TRDN: variants seen among roughly 807,000 people sequenced by gnomAD.
TRDN encodes triadin.
A neutral mutation model predicts 149.7 loss-of-function variants in TRDN; 161 were observed. That is an observed-to-expected ratio of 1.08 (90% confidence interval 0.95 to 1.23). The LOEUF (loss-of-function observed/expected upper bound fraction) is 1.23, where lower values mean the gene tolerates loss of function less well. Ranked by LOEUF, TRDN falls within the 50% of genes most tolerant of loss-of-function variation. The pLI is 0.00. For missense variants in TRDN, 896 were observed against 823.5 expected (o/e 1.09, Z -1.08); for synonymous variants, 294 against 250.5 (o/e 1.17, Z -1.64).
chr6:123,615,836 A>G (rs573547153), intron 1 of TRDN, among the ~76,000 whole-genome samples: 2 of 152,288 alleles, frequency 1.3e-5, no homozygotes, highest in African/African-American at 4.8e-5. Flanking sequence ...GTCCTACAGC[A>G]TTGTAAAGTG....
At chr6:123,579,351 G>A (rs2317712) in intron 1 of TRDN, among the ~76,000 whole-genome samples, 53,801 of 151,984 alleles carry the variant, frequency 0.35, 9,983 homozygotes, top group East Asian at 0.41. Flanking sequence ...TTAACATAAA[G>A]GAATGTTGAA....
At chr6:123,388,720 A>T (rs1781998329) in intron 13 of TRDN, among the ~76,000 whole-genome samples, 169 bp from the exon 14 acceptor site, 1 of 152,188 alleles carries the variant, frequency 6.6e-6, no homozygotes, top group South Asian at 2.1e-4. Context: ...TACTTCATAT[A>T]AAGATATTTG....
intron 7 of TRDN, among the ~76,000 whole-genome samples, chr6:123,512,051 T>C (rs1157881452): frequency 6.7e-6 from 1 of 149,356 alleles, no homozygotes; most frequent in African/African-American, 2.5e-5. Context: ...AAGGGGTGAA[T>C]GAGGGTTATG....
intron 20 of TRDN, among the ~76,000 whole-genome samples, chr6:123,361,725 T>C (rs1426620257): frequency 6.6e-6 from 1 of 152,190 alleles, no homozygotes; most frequent in Non-Finnish European, 1.5e-5. Flanking sequence ...ATTATGTACC[T>C]GACAAATCCC....
At chr6:123,437,992 G>A (rs1296278641) in intron 12 of TRDN, 71 bp downstream of exon 12, 1 of 1,303,802 alleles carries the variant, frequency 7.7e-7, no homozygotes, top group Non-Finnish European at 1.1e-6. Context: ...TGTGTATGTT[G>A]CATGAGGAGT....
At chr6:123,501,209 T>C (rs1242726513) in intron 8 of TRDN, among the ~76,000 whole-genome samples, 3 of 152,100 alleles carry the variant, frequency 2.0e-5, no homozygotes, top group Non-Finnish European at 4.4e-5. Context: ...TTCATATGTA[T>C]ACTATGTAAT....
Position 123,612,262 on chromosome 6 carries a change from G to A in TRDN, c.22+24492C>T, listed in dbSNP as rs1255067704. On this transcript the variant is annotated intron_variant, in intron 1 of 40. Transcript: ENST00000334268. ...ATACAGAAAAAAAAAAGTTATCTGG[G>A]GTGGGGGGAGGGGGGAGGGATAGCA... is the stretch of plus-strand genomic sequence containing the variant. 3.2e-5 allele frequency among the ~76,000 whole-genome samples: 3 copies of A among 94,408 alleles called. No homozygotes were observed. The South Asian group carries it at 1.4e-3, about 45-fold the overall frequency. 61.9% of individuals were successfully genotyped at this position (94,408 alleles called of 152,430 possible). A position where few individuals can be genotyped will look rare whatever the true frequency, so the allele number is the denominator to read the frequency against.
At chr6:123,326,217 A>T (rs117217209) in intron 23 of TRDN, among the ~76,000 whole-genome samples, 1,983 of 152,230 alleles carry the variant, frequency 0.013, 14 homozygotes, top group Middle Eastern at 0.041. Context: ...TTCAGAATAC[A>T]GGTTCACAAG....
At chr6:123,319,132 G>A (rs1040497824) in intron 23 of TRDN, among the ~76,000 whole-genome samples, 3 of 152,008 alleles carry the variant, frequency 2.0e-5, no homozygotes, top group African/African-American at 4.8e-5. Context: ...AAATTGATGT[G>A]AGAATTAGAA....
At chr6:123,436,016 C>T (rs978833320) in intron 12 of TRDN, among the ~76,000 whole-genome samples, 3 of 152,066 alleles carry the variant, frequency 2.0e-5, no homozygotes, top group African/African-American at 7.2e-5. Flanking sequence ...CGCATGAGCA[C>T]ACACAAACAC....
chr6:123,226,081 A>C (rs1009254726), intron 38 of TRDN, among the ~76,000 whole-genome samples: 2 of 151,784 alleles, frequency 1.3e-5, no homozygotes, highest in Admixed American at 1.3e-4. Context: ...AAAGAAACAA[A>C]ATTACTAGAA....
chr6:123,391,472 GGTTA>G (rs1047947977), intron 13 of TRDN, among the ~76,000 whole-genome samples: 1 of 151,610 alleles, frequency 6.6e-6, no homozygotes, highest in African/African-American at 2.4e-5. Context: ...TCCTAGTTGA[GGTTA>G]TTGTCTCATG....
chr6:123,427,674 A>G (rs1168169736), intron 12 of TRDN, among the ~76,000 whole-genome samples: 1 of 152,170 alleles, frequency 6.6e-6, no homozygotes, highest in Non-Finnish European at 1.5e-5. Flanking sequence ...AGAGTAGATC[A>G]AAGTTAGAAA....
rs77851547 is a variant in TRDN at position 123,251,873 on chromosome 6, T to C, written c.1975+539A>G. Among the ~76,000 whole-genome samples, 1,398 of 152,138 alleles carry C rather than the reference T, an allele frequency of 9.2e-3. 28 individuals carry two copies. Among genetic ancestry groups the C allele is most frequent in the East Asian group, 0.08 (412 of 5,182 alleles). ...TAGGAGATACATCCATTCCTAACTATGCTGTTTTTCTTATATACACAATTA... is the reference window on the plus strand; with the variant it reads ...TAGGAGATACATCCATTCCTAACTACGCTGTTTTTCTTATATACACAATTA... On this transcript the variant is annotated intron_variant, in intron 38 of 40. Coordinates refer to ENST00000334268, the MANE Select transcript of TRDN (RefSeq NM_006073.4).
chr6:123,604,439 C>G (rs775443596), intron 1 of TRDN, among the ~76,000 whole-genome samples: 11 of 152,168 alleles, frequency 7.2e-5, no homozygotes, highest in Non-Finnish European at 2.9e-5. Context: ...ACAATGCCTG[C>G]GAGTGCTGAA....
chr6:123,556,754 G>C (rs1781684993), intron 2 of TRDN, among the ~76,000 whole-genome samples: 1 of 151,804 alleles, frequency 6.6e-6, no homozygotes, highest in Non-Finnish European at 1.5e-5. Context: ...AAAATGACCA[G>C]TCTGTCCCTC....
intron 13 of TRDN, among the ~76,000 whole-genome samples, chr6:123,390,340 A>G (rs1465942685): frequency 1.3e-5 from 2 of 152,168 alleles, no homozygotes; most frequent in African/African-American, 4.8e-5. Flanking sequence ...AAATTTTTGG[A>G]TTTCTAAAAT....
At chr6:123,583,560 G>T (rs1226053041) in intron 1 of TRDN, among the ~76,000 whole-genome samples, 1 of 148,754 alleles carries the variant, frequency 6.7e-6, no homozygotes, top group Non-Finnish European at 1.5e-5. Flanking sequence ...GGATATAAAG[G>T]TTTCACTGAA....
Position 123,335,767 on chromosome 6 carries a change from T to A in TRDN, c.1420+1852A>T, listed in dbSNP as rs201717340. 1.6e-4 allele frequency among the ~76,000 whole-genome samples: 24 copies of A among 152,132 alleles called. 1 individual carries two copies. The East Asian group carries it at 4.5e-3, about 28-fold the overall frequency. On this transcript the variant is annotated intron_variant, in intron 22 of 40. Transcript: ENST00000334268. ...ATGTGGTTCAAGTATTCCTGTGATA[T>A]AAGTGCAGACTAAAATAAAGACATT...
Sources: gnomAD v4.1 joint callset for allele counts (sites outside exome capture counted in the v4.1 genomes callset) on GRCh38, gnomAD v4.1.1 for gene constraint, MANE v1.5 for transcripts, NCBI Gene and HGNC (gene_info 2026-07-23, HGNC 2026-07-21) for gene names.